Variants in AGXT2 observed in about 807,000 individuals in gnomAD.
AGXT2 encodes the protein alanine--glyoxylate aminotransferase 2, also known as alanine--glyoxylate aminotransferase 2, mitochondrial.
In AGXT2, 61 loss-of-function variants were observed where a neutral mutation model predicts 62.5. The observed-to-expected ratio is 0.98, with a 90% CI of 0.79 to 1.21. The LOEUF (loss-of-function observed/expected upper bound fraction) is 1.21, where lower values mean the gene tolerates loss of function less well. AGXT2 is among the 50% of genes most tolerant of loss of function. The pLI, the probability that AGXT2 is intolerant of heterozygous loss-of-function variation, is 0.00. For synonymous variants in AGXT2, 243 were observed against 218.7 expected (o/e 1.11, Z -0.98); for missense variants, 666 against 641.5 (o/e 1.04, Z -0.41).
intron 1 of AGXT2, among the ~76,000 whole-genome samples, chr5:35,043,032 G>A (rs952814113): frequency 3.3e-5 from 5 of 152,180 alleles, no homozygotes; most frequent in East Asian, 1.9e-4. Flanking sequence ...CATAATAAAT[G>A]CCAAGTGGGT....
At chr5:35,034,396 A>G (rs1256834600) in intron 5 of AGXT2, among the ~76,000 whole-genome samples, 1 of 152,166 alleles carries the variant, frequency 6.6e-6, no homozygotes, top group African/African-American at 2.4e-5. Flanking sequence ...TAATAACAGC[A>G]TGCTCATTTG....
intron 1 of AGXT2, among the ~76,000 whole-genome samples, chr5:35,044,230 C>T (rs1433479825): frequency 6.6e-6 from 1 of 152,172 alleles, no homozygotes; most frequent in Non-Finnish European, 1.5e-5. Flanking sequence ...CCTGCTGAAG[C>T]TGTGTTGGGG....
At chr5:35,014,201 C>T (rs1024800148) in intron 9 of AGXT2, 82 bp from the exon 10 acceptor site, 6 of 1,583,752 alleles carry the variant, frequency 3.8e-6, no homozygotes, top group Non-Finnish European at 5.2e-6. Context: ...CACCTGTAAT[C>T]CCAGCACTTT....
At chr5:35,034,499 A>C (rs1164177406) in intron 5 of AGXT2, among the ~76,000 whole-genome samples, 1 of 152,206 alleles carries the variant, frequency 6.6e-6, no homozygotes. Context: ...ACAGCTTAAA[A>C]ATGCAACTGT....
At chr5:35,023,517 T>A (rs56144819) in intron 9 of AGXT2, among the ~76,000 whole-genome samples, 3 of 152,164 alleles carry the variant, frequency 2.0e-5, no homozygotes, top group Non-Finnish European at 4.4e-5. Context: ...TCATATTTCC[T>A]TTGAATTCAG....
chr5:35,011,875 A>G (rs1766653774), intron 11 of AGXT2, among the ~76,000 whole-genome samples: 1 of 151,742 alleles, frequency 6.6e-6, no homozygotes, highest in Non-Finnish European at 1.5e-5. Flanking sequence ...CCAACCTAAG[A>G]GCCCATCAAT....
At position 35,003,789 on chromosome 5, in the gene AGXT2, C is replaced by G; in HGVS notation, c.1411G>C (p.Val471Leu). 1 of 1,614,166 alleles carries G rather than the reference C, an allele frequency of 6.2e-7. No homozygotes were observed. Among genetic ancestry groups the G allele is most frequent in the Non-Finnish European group, 8.5e-7 (1 of 1,180,026 alleles). Residue 471 changes from valine (V) to leucine (L), a missense_variant, in exon 13 of 14, where the codon GTT becomes CTT. Coordinates refer to ENST00000231420, the MANE Select transcript of AGXT2 (RefSeq NM_031900.4). ...TGAGAAAAAATGCTGCCTCTGCCAA[C>G]GAGGAGTCCCATGTGCTTGCAGTCC... ...HEDCKHMGLLVGRGSIFSQTF... is the reference protein window; with the variant it reads ...HEDCKHMGLLLGRGSIFSQTF...
chr5:35,044,120 T>C (rs924212666), intron 1 of AGXT2, among the ~76,000 whole-genome samples: 4 of 152,234 alleles, frequency 2.6e-5, no homozygotes, highest in African/African-American at 9.6e-5. Context: ...TCATCCTCCA[T>C]CCACCTTAGA....
chr5:35,014,914 A>C (rs1355974194), intron 9 of AGXT2, among the ~76,000 whole-genome samples: 1 of 152,196 alleles, frequency 6.6e-6, no homozygotes, highest in Admixed American at 6.5e-5. Context: ...TCCTCTTCCC[A>C]GGGATGCCTT....
At chr5:35,040,708 G>C (rs1169892918) in intron 1 of AGXT2, 45 bp from the exon 2 acceptor site, 1 of 1,479,902 alleles carries the variant, frequency 6.8e-7, no homozygotes, top group Non-Finnish European at 9.4e-7. Context: ...CATGACATAG[G>C]TCTGTTTGTG....
intron 6 of AGXT2, 64 bp from the exon 7 acceptor site, chr5:35,032,889 A>C (rs1488810334): frequency 5.3e-6 from 7 of 1,331,510 alleles, no homozygotes; most frequent in Admixed American, 2.0e-5. Context: ...TTAGGGTAGC[A>C]TATGGCTGCC....
At chr5:35,045,510 T>C (rs1372471619) in intron 1 of AGXT2, among the ~76,000 whole-genome samples, 1 of 152,214 alleles carries the variant, frequency 6.6e-6, no homozygotes, top group Non-Finnish European at 1.5e-5. Flanking sequence ...TTTTCTTGCT[T>C]ATTGTGGCTA....
chr5:35,044,618 G>C (rs1768118522), intron 1 of AGXT2, among the ~76,000 whole-genome samples: 1 of 152,164 alleles, frequency 6.6e-6, no homozygotes, highest in Non-Finnish European at 1.5e-5. Flanking sequence ...CACGTCCTCA[G>C]CCTCCTGTTG....
At chr5:35,011,196 A>G (rs1480948605) in intron 11 of AGXT2, among the ~76,000 whole-genome samples, 1 of 152,210 alleles carries the variant, frequency 6.6e-6, no homozygotes, top group Non-Finnish European at 1.5e-5. Flanking sequence ...ATGTCAGCTC[A>G]TGCTTGTAAT....
intron 9 of AGXT2, among the ~76,000 whole-genome samples, chr5:35,022,597 T>G (rs1030447413): frequency 1.5e-5 from 2 of 136,442 alleles, no homozygotes; most frequent in African/African-American, 5.3e-5. Flanking sequence ...GGGGGAGGGA[T>G]AGCATTGGGA....
At chr5:35,026,550 T>A (rs763636881) in intron 7 of AGXT2, 40 bp from the exon 8 acceptor site, 24 of 1,542,722 alleles carry the variant, frequency 1.6e-5, no homozygotes, top group Non-Finnish European at 2.1e-5. Flanking sequence ...AACCACAGCA[T>A]TTGAAAATGT....
intron 9 of AGXT2, among the ~76,000 whole-genome samples, chr5:35,018,835 C>T (rs1420378304): frequency 1.6e-4 from 23 of 143,752 alleles, no homozygotes; most frequent in South Asian, 1.4e-3. Flanking sequence ...ACCCATCTCA[C>T]GTGCAGAGAC....
Position 35,010,144 on chromosome 5 carries a change from A to C in AGXT2, c.1194T>G (p.Ile398Met). The C allele has an allele frequency of 1.2e-6, 2 of 1,614,164 alleles. No individual in the cohort carries two copies. The highest frequency in any genetic ancestry group is 2.2e-5 in the South Asian group (2 of 91,076). Residue 398 changes from isoleucine (I) to methionine (M), a missense_variant, in exon 12 of 14, where the codon ATT (isoleucine) becomes ATG (methionine). Ile to Met is a conservative substitution (Grantham distance 10). Coordinates refer to ENST00000231420, the MANE Select transcript of AGXT2 (RefSeq NM_031900.4). ...TGTTTTCCTGTAGATTTTCTTCTTTAATCACCTGTTAAGAGAAAGCCCCAA... is the reference window on the plus strand; with the variant it reads ...TGTTTTCCTGTAGATTTTCTTCTTTCATCACCTGTTAAGAGAAAGCCCCAA... ...CAIGSAVLEV[I>M]KEENLQENSQ...
At chr5:35,045,764 CTTTTTTT>C (rs1255749919) in intron 1 of AGXT2, among the ~76,000 whole-genome samples, 37 of 99,134 alleles carry the variant, frequency 3.7e-4, no homozygotes, top group East Asian at 1.0e-3. Context: ...TTTCTTTTTT[CTTTTTTT>C]TTTTTTTTTT....
Sources: gnomAD v4.1 joint callset for allele counts (sites outside exome capture counted in the v4.1 genomes callset) on GRCh38, gnomAD v4.1.1 for gene constraint, MANE v1.5 for transcripts, NCBI Gene and HGNC (gene_info 2026-07-23, HGNC 2026-07-21) for gene names.